HAP1: variants seen among roughly 807,000 people sequenced by gnomAD.
The protein encoded by HAP1 is huntingtin-associated protein 1.
A neutral mutation model predicts 60.3 loss-of-function variants in HAP1; 59 were observed. The observed-to-expected ratio is 0.98, with a 90% CI of 0.79 to 1.22. The LOEUF (loss-of-function observed/expected upper bound fraction) is 1.22. Among genes scored for constraint, HAP1 ranks in the 50% most tolerant of loss-of-function variants. The probability of loss-of-function intolerance (pLI) is 0.00; values close to 1 mark genes in which losing one functional copy is unlikely to be tolerated. For missense variants in HAP1, 825 were observed against 785.3 expected (o/e 1.05, Z -0.60); for synonymous variants, 346 against 330.6 (o/e 1.05, Z -0.50).
rs140284849 is a variant in HAP1 at position 41,724,999 on chromosome 17, G to A, written c.1562C>T (p.Pro521Leu). The A allele has an allele frequency of 1.2e-4, 197 of 1,612,494 alleles. 1 individual carries two copies. Among genetic ancestry groups the A allele is most frequent in the Admixed American group, 6.5e-4 (39 of 59,976 alleles). ...CTCTTCCATCACCCCTTCCTCAGCCGGCACCTTCTTGGCAGCCCCCAGCTC... is the reference window on the plus strand; with the variant it reads ...CTCTTCCATCACCCCTTCCTCAGCCAGCACCTTCTTGGCAGCCCCCAGCTC... ...QEELGAAKKV[P>L]AEEGVMEEAE... is the part of the protein sequence containing the mutation. The change falls in exon 11 of 11, where the codon CCG (proline) becomes CTG (leucine). Residue 521 changes from proline to leucine, a missense_variant. Pro to Leu is a moderately conservative substitution (Grantham distance 98, BLOSUM62 -3). Coordinates refer to ENST00000347901, the MANE Select transcript of HAP1 (RefSeq NM_177977.3).
intron 9 of HAP1, among the ~76,000 whole-genome samples, chr17:41,726,629 G>C (rs1301311501): frequency 1.3e-5 from 2 of 151,894 alleles, no homozygotes; most frequent in East Asian, 3.9e-4. Context: ...TTGGGAGGCT[G>C]AGGCGGGCAG....
chr17:41,727,077 G>T lies in HAP1; in HGVS notation c.1343C>A (p.Ser448Ter). The T allele has an allele frequency of 6.3e-7, 1 of 1,575,548 alleles. No individual in the cohort carries two copies. ...ELRTSLRRMI[S>*]DPVYFMERNY... is the part of the protein sequence containing the mutation. ...CCTCTCCATAAAATACACAGGGTCT[G>T]AGATCATCCTCCTTAGAGACGTTCT... The change falls in exon 9 of 11, where the codon TCA (serine) becomes TAA (stop). Residue 448 changes from serine (S) to a stop codon, truncating the protein, a stop_gained. Transcript: ENST00000347901. LOFTEE classifies it high-confidence loss of function.
downstream of HAP1, chr17:41,721,167 T>TA (rs1410334198): frequency 6.6e-6 from 1 of 152,220 alleles, no homozygotes; most frequent in African/African-American, 2.4e-5. Flanking sequence ...GCCACAGCAA[T>TA]AATCTTCTCA....
Position 41,734,637 on chromosome 17 carries a change from C to G in HAP1, c.-3G>C, listed in dbSNP as rs1212311072. 1.3e-6 allele frequency: 2 copies of G among 1,489,446 alleles called. No individual in the cohort carries two copies. The highest frequency in any genetic ancestry group is 1.8e-6 in the Non-Finnish European group (2 of 1,121,172). 92.3% of individuals were successfully genotyped at this position (1,489,446 alleles called of 1,614,324 possible). ...CGGCCCAACCTCTTCGGGCGCATCT[C>G]GAGTCTGCCGTCCGCTGCTGCGGCG... is the stretch of plus-strand genomic sequence containing the variant. On this transcript the variant is annotated 5_prime_UTR_variant, in exon 1 of 11. Transcript: ENST00000347901.
At chr17:41,725,955 G>A (rs1911595781) in intron 9 of HAP1, 58 bp from the exon 10 acceptor site, 5 of 1,301,768 alleles carry the variant, frequency 3.8e-6, no homozygotes, top group Non-Finnish European at 5.6e-6. Flanking sequence ...TGCAGTCCCT[G>A]GGGCTTGGTC....
rs1555588355 is a variant in HAP1, at chr17:41,724,993, T to TCAGCCGGCACCTTCTTGGCAG, written c.1547_1567dup (p.Ala516_Ala522dup). The TCAGCCGGCACCTTCTTGGCAG allele has an allele frequency of 8.1e-6, 13 of 1,612,502 alleles. No individual in the cohort carries two copies. Among genetic ancestry groups the TCAGCCGGCACCTTCTTGGCAG allele is most frequent in the Non-Finnish European group, 1.1e-5 (13 of 1,179,900 alleles). ...CTCTGCCTCTTCCATCACCCCTTCC[T>TCAGCCGGCACCTTCTTGGCAG]CAGCCGGCACCTTCTTGGCAGCCCC... On this transcript the variant is annotated inframe_insertion, in exon 11 of 11. Coordinates refer to ENST00000347901, the MANE Select transcript of HAP1 (RefSeq NM_177977.3).
chr17:41,727,118 C>A lies in HAP1; in HGVS notation c.1302G>T (p.Thr434=), dbSNP rs374580379. 4.5e-5 allele frequency: 72 copies of A among 1,592,920 alleles called. No homozygotes were observed. The highest frequency in any genetic ancestry group is 5.7e-5 in the Non-Finnish European group (66 of 1,164,002). Residue 434 remains threonine (T), a synonymous_variant, in exon 9 of 11, where the codon ACG becomes ACT. Coordinates refer to ENST00000347901, the MANE Select transcript of HAP1 (RefSeq NM_177977.3). The stretch of plus-strand genomic sequence containing the variant: ...GAGACGTTCTGAGCTCCTCAGCCAG[C>A]GTCTCCTGGAAACCAGGAAGAGTCT... ...EEETLPGFQE[T]LAEELRTSLR... is the part of the protein sequence containing the mutation.
In HAP1 at chr17:41,734,615, C is replaced by G. The variant is rs782505454; in HGVS notation, c.20G>C (p.Gly7Ala). 1.3e-6 allele frequency: 2 copies of G among 1,549,348 alleles called. No individual in the cohort carries two copies. The highest frequency in any genetic ancestry group is 1.7e-6 in the Non-Finnish European group (2 of 1,149,180). Reference sequence around the variant, plus strand: ...GAGCCGGCTCCCCGCGCAGCACCGGCCCAACCTCTTCGGGCGCATCTCGAG... The same window carrying G: ...GAGCCGGCTCCCCGCGCAGCACCGGGCCAACCTCTTCGGGCGCATCTCGAG... Reference protein sequence around the residue: MRPKRLGRCCAGSRLGP... With the variant: MRPKRLARCCAGSRLGP... Residue 7 changes from glycine to alanine, a missense_variant, in exon 1 of 11, where the codon GGC (glycine) becomes GCC (alanine). Gly to Ala is a moderately conservative substitution (Grantham distance 60). Coordinates refer to ENST00000347901, the MANE Select transcript of HAP1 (RefSeq NM_177977.3).
rs144946260 is a variant in HAP1, at chr17:41,734,640, G to A, written c.-6C>T. On this transcript the variant is annotated 5_prime_UTR_variant, in exon 1 of 11. Coordinates refer to ENST00000347901, the MANE Select transcript of HAP1 (RefSeq NM_177977.3). The stretch of plus-strand genomic sequence containing the variant: ...CCCAACCTCTTCGGGCGCATCTCGA[G>A]TCTGCCGTCCGCTGCTGCGGCGGGA... The A allele has an allele frequency of 2.6e-5, 38 of 1,488,156 alleles. 1 individual carries two copies. The East Asian group carries it at 7.7e-4, about 30-fold the overall frequency. The allele number at this position is 1,488,156 out of a possible 1,614,324, so 92.2% of individuals were successfully genotyped here. A position where few individuals can be genotyped will look rare whatever the true frequency, so the allele number is the denominator to read the frequency against.
At chr17:41,731,197 C>T (rs1555590756) in intron 6 of HAP1, among the ~76,000 whole-genome samples, 1 of 152,186 alleles carries the variant, frequency 6.6e-6, no homozygotes, top group Admixed American at 6.5e-5. Context: ...AGGCATGAGC[C>T]ACCGTGCCTG....
chr17:41,728,726 C>A (rs1333761621), intron 6 of HAP1, among the ~76,000 whole-genome samples: 2 of 152,088 alleles, frequency 1.3e-5, no homozygotes, highest in Non-Finnish European at 2.9e-5. Context: ...GACCACAGGG[C>A]AAGTGAAGCT....
At chr17:41,718,068 T>G (rs1911051963), downstream of HAP1, 1 of 458,034 alleles carries the variant, frequency 2.2e-6, no homozygotes, top group Non-Finnish European at 4.6e-6. Flanking sequence ...CAAACAAGTT[T>G]ATTAACATGT....
chr17:41,734,101 G>T, intron 1 of HAP1, 65 bp downstream of exon 1: 1 of 1,357,434 alleles, frequency 7.4e-7, no homozygotes, highest in Non-Finnish European at 1.0e-6. Context: ...GACCCGATGG[G>T]GCCACTTCCT....
At chr17:41,731,464 C>T (rs782488402) in intron 6 of HAP1, 29 bp downstream of exon 6, 1 of 1,511,346 alleles carries the variant, frequency 6.6e-7, no homozygotes, top group Non-Finnish European at 9.2e-7. Flanking sequence ...TTGGGACAAC[C>T]CCCCACCCCG....
intron 10 of HAP1, among the ~76,000 whole-genome samples, chr17:41,725,379 T>C (rs1169847694): frequency 6.6e-6 from 1 of 152,194 alleles, no homozygotes; most frequent in Non-Finnish European, 1.5e-5. Context: ...TCTTCTTTTA[T>C]GTCCCTGACC....
At chr17:41,730,750 C>G (rs1912130138) in intron 6 of HAP1, among the ~76,000 whole-genome samples, 2 of 152,308 alleles carry the variant, frequency 1.3e-5, no homozygotes, top group African/African-American at 4.8e-5. Flanking sequence ...AACACTGCTC[C>G]TCACTCATCT....
At chr17:41,728,361 G>A (rs370245004) in intron 6 of HAP1, 30 bp from the exon 7 acceptor site, 4 of 1,608,612 alleles carry the variant, frequency 2.5e-6, no homozygotes, top group Non-Finnish European at 2.5e-6. Context: ...GGTCAGCCCT[G>A]GCTCCCCTGG....
rs781827675 is a variant in HAP1 at position 41,734,580 on chromosome 17, C to T, written c.55G>A (p.Asp19Asn). 2.3e-5 allele frequency: 36 copies of T among 1,589,248 alleles called. No homozygotes were observed. The highest frequency in any genetic ancestry group is 2.9e-5 in the Non-Finnish European group (34 of 1,169,012). ...CCAGSRLGPG[D>N]PAALTCAPSP... ...GGTGCACAGGTGAGTGCTGCTGGGT[C>T]CCCGGGTCCGAGCCGGCTCCCCGCG... Residue 19 changes from aspartate (D) to asparagine (N), a missense_variant, in exon 1 of 11, where the codon GAC becomes AAC. Coordinates refer to ENST00000347901, the MANE Select transcript of HAP1 (RefSeq NM_177977.3).
chr17:41,719,123 C>T (rs1284624494), downstream of HAP1, among the ~76,000 whole-genome samples: 2 of 152,056 alleles, frequency 1.3e-5, no homozygotes, highest in South Asian at 2.1e-4. Flanking sequence ...GGATTATAGG[C>T]AGGCACCACC....
Sources: gnomAD v4.1 joint callset for allele counts (sites outside exome capture counted in the v4.1 genomes callset) on GRCh38, gnomAD v4.1.1 for gene constraint, MANE v1.5 for transcripts, NCBI Gene and HGNC (gene_info 2026-07-23, HGNC 2026-07-21) for gene names.